The following RIGI variants were observed in gnomAD, a reference collection of about 807,000 sequenced individuals.
The protein encoded by RIGI is antiviral innate immune response receptor RIG-I.
At chr9:32,512,825 C>T in the RIGI span, among the ~76,000 whole-genome samples, 1 of 152,026 alleles carries the variant, frequency 6.6e-6, no homozygotes, top group African/African-American at 2.4e-5. Context: ...AAAACCCCAT[C>T]ATCTCAGCCC....
At chr9:32,519,834 A>C in the RIGI span, among the ~76,000 whole-genome samples, 7 of 151,944 alleles carry the variant, frequency 4.6e-5, no homozygotes, top group Admixed American at 6.6e-5. Flanking sequence ...TGTTTTTTTT[A>C]TCCTAAGCCA....
chr9:32,457,500 A>C, the RIGI span: 39 of 1,154,210 alleles, frequency 3.4e-5, no homozygotes, highest in Middle Eastern at 2.9e-4. Flanking sequence ...AAAAAAAAGA[A>C]AACCCCACAA....
At chr9:32,456,997 T>TA in the RIGI span, 1 of 726,876 alleles carries the variant, frequency 1.4e-6, no homozygotes, top group East Asian at 2.7e-5. Context: ...TACAAACTGC[T>TA]AAAGATATTT....
chr9:32,487,918 G>C, the RIGI span: 1 of 1,610,638 alleles, frequency 6.2e-7, no homozygotes, highest in Non-Finnish European at 8.5e-7. Flanking sequence ...TAGCTCTTCT[G>C]AAGCATTCGT....
chr9:32,459,298 T>C, the RIGI span: 4 of 1,524,084 alleles, frequency 2.6e-6, no homozygotes, highest in Non-Finnish European at 3.6e-6. Context: ...AGTTTTATTA[T>C]AAATATTTCA....
chr9:32,458,545 A>G, the RIGI span, among the ~76,000 whole-genome samples: 1 of 152,218 alleles, frequency 6.6e-6, no homozygotes, highest in Non-Finnish European at 1.5e-5. Context: ...TAGCATCTTT[A>G]CAATTCTGTG....
chr9:32,504,853 CATAAAA>C, the RIGI span, among the ~76,000 whole-genome samples: 2 of 125,132 alleles, frequency 1.6e-5, no homozygotes, highest in Admixed American at 8.7e-5. Flanking sequence ...ATATTTAATA[CATAAAA>C]TATATAAAAT....
At chr9:32,513,791 A>G in the RIGI span, among the ~76,000 whole-genome samples, 2 of 152,370 alleles carry the variant, frequency 1.3e-5, 1 homozygote, top group South Asian at 4.1e-4. Context: ...ATGAACAGGC[A>G]AACTACAGAA....
the RIGI span, among the ~76,000 whole-genome samples, chr9:32,503,903 G>A: frequency 7.0e-4 from 106 of 152,018 alleles, no homozygotes; most frequent in South Asian, 1.0e-3. Flanking sequence ...TTAGCCAGGC[G>A]CGGTGGCTGG....
At chr9:32,459,912 G>A in the RIGI span, among the ~76,000 whole-genome samples, 2 of 152,200 alleles carry the variant, frequency 1.3e-5, no homozygotes, top group Admixed American at 6.5e-5. Context: ...CACAAACTCA[G>A]TGAGTGATAC....
chr9:32,514,077 AGATGCTG>A, the RIGI span, among the ~76,000 whole-genome samples: 1 of 152,330 alleles, frequency 6.6e-6, no homozygotes, highest in East Asian at 1.9e-4. Context: ...AGGAAACAAC[AGATGCTG>A]GAGAGGATGT....
At chr9:32,478,112 T>C in the RIGI span, among the ~76,000 whole-genome samples, 3,632 of 151,784 alleles carry the variant, frequency 0.024, 169 homozygotes, top group African/African-American at 0.084. Flanking sequence ...GGTGCGCTCT[T>C]GGCTCACTGC....
chr9:32,489,018 A>G, the RIGI span: 2 of 822,320 alleles, frequency 2.4e-6, no homozygotes, highest in African/African-American at 1.8e-5. Context: ...TATGTTAATG[A>G]TTACAGAATT....
the RIGI span, among the ~76,000 whole-genome samples, chr9:32,520,235 A>C: frequency 9.9e-5 from 15 of 152,098 alleles, no homozygotes; most frequent in Non-Finnish European, 1.8e-4. Flanking sequence ...CTAGAATGCT[A>C]GCAGATAAAT....
chr9:32,469,602 T>C, the RIGI span, among the ~76,000 whole-genome samples: 1 of 152,234 alleles, frequency 6.6e-6, no homozygotes. Flanking sequence ...CACCCCCTTC[T>C]ACTTAGACTA....
the RIGI span, chr9:32,466,339 T>A: frequency 6.2e-7 from 1 of 1,613,770 alleles, no homozygotes; most frequent in African/African-American, 1.3e-5. Context: ...TAAAATAGAG[T>A]CATTCATCAT....
the RIGI span, among the ~76,000 whole-genome samples, chr9:32,494,825 A>AT: frequency 1.3e-5 from 2 of 152,124 alleles, no homozygotes; most frequent in East Asian, 1.9e-4. Context: ...CCCTCAATGT[A>AT]TGTCCATTTT....
chr9:32,457,670 AT>A, the RIGI span, among the ~76,000 whole-genome samples: 2 of 152,142 alleles, frequency 1.3e-5, no homozygotes, highest in African/African-American at 4.8e-5. Context: ...AAAGAAGAAG[AT>A]TAAGAAGGTT....
At chr9:32,498,195 A>G in the RIGI span, 1 of 441,888 alleles carries the variant, frequency 2.3e-6, no homozygotes, top group African/African-American at 2.0e-5. Context: ...GTGCAGTGAG[A>G]GTTTTCATGT....
Sources: allele counts gnomAD v4.1 joint callset (sites outside exome capture counted in the v4.1 genomes callset), GRCh38; gene constraint gnomAD v4.1.1; transcripts MANE v1.5; gene names NCBI Gene and HGNC (gene_info 2026-07-23, HGNC 2026-07-21).